PRKN: variants seen among roughly 807,000 people sequenced by gnomAD.
PRKN encodes parkin RBR E3 ubiquitin protein ligase.
Under a neutral mutation model 59.5 loss-of-function variants are expected in PRKN, and 56 were observed. The observed-to-expected ratio is 0.94, with a 90% CI of 0.76 to 1.18. PRKN has a LOEUF of 1.18. PRKN is among the 50% of genes most tolerant of loss of function. PRKN has a pLI of 0.00. For synonymous variants in PRKN, 250 were observed against 222.1 expected (o/e 1.13, Z -1.12); for missense variants, 657 against 596.4 (o/e 1.10, Z -1.06).
intron 5 of PRKN, among the ~76,000 whole-genome samples, chr6:161,994,801 G>T (rs561432766): frequency 5.3e-5 from 8 of 151,958 alleles, no homozygotes; most frequent in African/African-American, 1.9e-4. Context: ...ACTGATGAAA[G>T]AAATTGAAGA....
chr6:162,658,487 C>A (rs962962210), intron 1 of PRKN, among the ~76,000 whole-genome samples: 2 of 151,846 alleles, frequency 1.3e-5, no homozygotes, highest in African/African-American at 4.8e-5. Flanking sequence ...CATGGTGAAA[C>A]CCCGTCTCTA....
At chr6:161,818,889 G>T (rs1791901857) in intron 6 of PRKN, among the ~76,000 whole-genome samples, 1 of 152,114 alleles carries the variant, frequency 6.6e-6, no homozygotes, top group East Asian at 1.9e-4. Context: ...AGGTATACAG[G>T]TGGGCATGGG....
At chr6:161,537,672 C>G (rs12524277) in intron 9 of PRKN, among the ~76,000 whole-genome samples, 1 of 151,886 alleles carries the variant, frequency 6.6e-6, no homozygotes, top group African/African-American at 2.4e-5. Flanking sequence ...TGGATGGTCT[C>G]GATCTCCTGA....
chr6:162,178,667 T>G (rs1411148500), intron 4 of PRKN, among the ~76,000 whole-genome samples: 1 of 152,218 alleles, frequency 6.6e-6, no homozygotes, highest in Non-Finnish European at 1.5e-5. Context: ...CTGAAGGACT[T>G]ACATCATCCT....
At chr6:162,568,741 T>A (rs1308817332) in intron 1 of PRKN, 1 of 753,564 alleles carries the variant, frequency 1.3e-6, no homozygotes, top group Admixed American at 1.7e-5. Context: ...AAGAGCTACA[T>A]CAACAACCCT....
intron 9 of PRKN, among the ~76,000 whole-genome samples, chr6:161,398,040 C>A (rs1485300560): frequency 6.6e-6 from 1 of 152,068 alleles, no homozygotes; most frequent in African/African-American, 2.4e-5. Flanking sequence ...AGTGAAGTCC[C>A]AGAGAAAGTC....
chr6:161,948,297 T>A (rs1779857359), intron 6 of PRKN, among the ~76,000 whole-genome samples: 1 of 152,082 alleles, frequency 6.6e-6, no homozygotes, highest in South Asian at 2.1e-4. Flanking sequence ...GAGATGCAAT[T>A]TCTATAACAG....
chr6:161,953,813 C>T (rs1464373024), intron 6 of PRKN, among the ~76,000 whole-genome samples: 1 of 152,130 alleles, frequency 6.6e-6, no homozygotes. Context: ...CACGACGCAC[C>T]CTGAATTTCA....
At chr6:161,580,638 G>A (rs377471052) in intron 7 of PRKN, among the ~76,000 whole-genome samples, 20 of 146,164 alleles carry the variant, frequency 1.4e-4, no homozygotes, top group African/African-American at 5.3e-4. Flanking sequence ...CACCATGCCA[G>A]GCTAATTTTT....
At chr6:162,124,039 T>C (rs918503734) in intron 4 of PRKN, among the ~76,000 whole-genome samples, 2 of 152,074 alleles carry the variant, frequency 1.3e-5, no homozygotes, top group Non-Finnish European at 2.9e-5. Context: ...CGAGCAACAA[T>C]TGCTTCTCCC....
At chr6:161,897,951 A>G (rs1303962005) in intron 6 of PRKN, among the ~76,000 whole-genome samples, 1 of 125,022 alleles carries the variant, frequency 8.0e-6, no homozygotes. Context: ...TGGGTGACAG[A>G]GCGAGACTCC....
chr6:162,221,717 G>A (rs1368041790), intron 3 of PRKN, among the ~76,000 whole-genome samples: 2 of 152,092 alleles, frequency 1.3e-5, no homozygotes, highest in African/African-American at 2.4e-5. Flanking sequence ...AATACTAGTG[G>A]GCACAAGAGA....
At chr6:161,875,019 A>G (rs1289311213) in intron 6 of PRKN, among the ~76,000 whole-genome samples, 2 of 99,248 alleles carry the variant, frequency 2.0e-5, no homozygotes, top group South Asian at 3.0e-4. Context: ...TATTATATAT[A>G]AAGTATATAA....
intron 6 of PRKN, among the ~76,000 whole-genome samples, chr6:161,807,717 C>G (rs943595889): frequency 6.6e-6 from 1 of 152,160 alleles, no homozygotes; most frequent in African/African-American, 2.4e-5. Context: ...TGCCTCTGTA[C>G]GTCTTCCCTC....
At chr6:162,589,049 C>T (rs1257196914) in intron 1 of PRKN, among the ~76,000 whole-genome samples, 1 of 152,272 alleles carries the variant, frequency 6.6e-6, no homozygotes, top group African/African-American at 2.4e-5. Flanking sequence ...AAGCACCCCA[C>T]CTTTGGGCAC....
chr6:162,647,412 A>G (rs991553447), intron 1 of PRKN, among the ~76,000 whole-genome samples: 9 of 152,098 alleles, frequency 5.9e-5, no homozygotes, highest in Non-Finnish European at 1.3e-4. Context: ...CTTAACACTC[A>G]TTTTATTTGG....
intron 9 of PRKN, among the ~76,000 whole-genome samples, chr6:161,495,355 G>A (rs896903857): frequency 6.6e-6 from 1 of 152,140 alleles, no homozygotes; most frequent in Admixed American, 6.5e-5. Flanking sequence ...TCCTCCTGAT[G>A]TGTATCTTCT....
At chr6:162,415,079 C>T (rs1788560236) in intron 2 of PRKN, among the ~76,000 whole-genome samples, 1 of 152,150 alleles carries the variant, frequency 6.6e-6, no homozygotes, top group Non-Finnish European at 1.5e-5. Context: ...TAGGATTCTA[C>T]TTCCTTCACT....
chr6:162,670,949 A>C (rs983515956), intron 1 of PRKN, among the ~76,000 whole-genome samples: 1 of 152,210 alleles, frequency 6.6e-6, no homozygotes, highest in Non-Finnish European at 1.5e-5. Flanking sequence ...GATAATGTTT[A>C]ACCAAGTAGG....
Sources: allele counts gnomAD v4.1 joint callset (sites outside exome capture counted in the v4.1 genomes callset), GRCh38; gene constraint gnomAD v4.1.1; transcripts MANE v1.5; gene names NCBI Gene and HGNC (gene_info 2026-07-23, HGNC 2026-07-21).